Variants in BRI3BP observed in about 807,000 individuals in gnomAD.
BRI3BP encodes BRI3 binding protein, also known as BRI3-binding protein.
BRI3BP carries 7 observed loss-of-function variants against 15.8 expected under a neutral mutation model. The observed-to-expected ratio is 0.44, with a 90% confidence interval of 0.25 to 0.83. The LOEUF (loss-of-function observed/expected upper bound fraction) is 0.83. BRI3BP is among the 40% of genes least tolerant of loss of function. The pLI is 0.20. For missense variants in BRI3BP, 320 were observed against 339.3 expected, an observed-to-expected ratio of 0.94 and a Z score of 0.45; for synonymous variants, 192 against 163.5, an observed-to-expected ratio of 1.17 and a Z score of -1.33.
At chr12:124,999,227 G>T (rs1432146273) in intron 1 of BRI3BP, among the ~76,000 whole-genome samples, 1 of 151,988 alleles carries the variant, frequency 6.6e-6, no homozygotes, top group Non-Finnish European at 1.5e-5. Context: ...TTGCTCCTTG[G>T]TCGTAGTTGC....
intron 2 of BRI3BP, among the ~76,000 whole-genome samples, chr12:125,020,503 G>A (rs1252930113): frequency 6.6e-6 from 1 of 152,226 alleles, no homozygotes; most frequent in Non-Finnish European, 1.5e-5. Flanking sequence ...TTTCAACATA[G>A]GAATTTTGTG....
At chr12:125,002,557 C>T (rs11057975) in intron 1 of BRI3BP, among the ~76,000 whole-genome samples, 9,234 of 151,470 alleles carry the variant, frequency 0.061, 418 homozygotes, top group Admixed American at 0.14. Flanking sequence ...CCGGGGTTCA[C>T]GCCATTCTCC....
chr12:125,001,919 A>G (rs917739263), intron 1 of BRI3BP, among the ~76,000 whole-genome samples: 12 of 152,132 alleles, frequency 7.9e-5, no homozygotes, highest in Admixed American at 2.6e-4. Flanking sequence ...TCCCAGCCTT[A>G]AGCAACTGCC....
At chr12:125,039,666 A>G in the BRI3BP span, among the ~76,000 whole-genome samples, 8 of 151,704 alleles carry the variant, frequency 5.3e-5, no homozygotes, top group Admixed American at 2.0e-4. Context: ...TTTTTTTTTA[A>G]GTATAGAAAA....
At chr12:125,004,563 A>C (rs573594806) in intron 1 of BRI3BP, among the ~76,000 whole-genome samples, 1 of 152,238 alleles carries the variant, frequency 6.6e-6, no homozygotes, top group Non-Finnish European at 1.5e-5. Flanking sequence ...AAAATTGTGA[A>C]GATAATACAG....
chr12:125,040,638 C>G, the BRI3BP span, among the ~76,000 whole-genome samples: 1 of 151,284 alleles, frequency 6.6e-6, no homozygotes, highest in Non-Finnish European at 1.5e-5. Context: ...CCACTGCGCC[C>G]CACCTCAAAG....
intron 1 of BRI3BP, among the ~76,000 whole-genome samples, chr12:125,011,727 A>T (rs904661091): frequency 2.0e-4 from 30 of 151,404 alleles, no homozygotes; most frequent in Non-Finnish European, 1.5e-4. Context: ...TAATTTTTTA[A>T]AAAAAAAAGT....
At chr12:125,020,879 C>CAAATAAATAAAT (rs139903644) in intron 2 of BRI3BP, among the ~76,000 whole-genome samples, 1 of 151,132 alleles carries the variant, frequency 6.6e-6, no homozygotes, top group African/African-American at 2.4e-5. Context: ...GACTCTGTCT[C>CAAATAAATAAAT]AAATAAATAA....
At chr12:125,016,043 G>T (rs1429058508) in intron 2 of BRI3BP, among the ~76,000 whole-genome samples, 1 of 152,162 alleles carries the variant, frequency 6.6e-6, no homozygotes, top group Non-Finnish European at 1.5e-5. Flanking sequence ...CTACAGAGTA[G>T]GAACAGCCTC....
intron 1 of BRI3BP, among the ~76,000 whole-genome samples, chr12:125,007,622 G>A (rs1443173455): frequency 6.6e-6 from 1 of 151,942 alleles, no homozygotes; most frequent in East Asian, 1.9e-4. Flanking sequence ...GGGAGGCTGA[G>A]GTGGGAGGAT....
chr12:125,035,470 T>C (rs1955435792), downstream of BRI3BP, among the ~76,000 whole-genome samples: 2 of 151,994 alleles, frequency 1.3e-5, no homozygotes, highest in Non-Finnish European at 2.9e-5. Context: ...CACAGCTCAC[T>C]TTAGCCTTGA....
intron 1 of BRI3BP, among the ~76,000 whole-genome samples, chr12:125,005,876 C>T (rs1955139009): frequency 6.6e-6 from 1 of 152,076 alleles, no homozygotes; most frequent in Non-Finnish European, 1.5e-5. Context: ...GCTGTAAGCT[C>T]CTGTGTTTGT....
the BRI3BP span, among the ~76,000 whole-genome samples, chr12:125,039,649 A>G: frequency 4.0e-4 from 43 of 108,310 alleles, no homozygotes; most frequent in Non-Finnish European, 6.3e-4. Flanking sequence ...TGTTATTCCA[A>G]TAGGGTTTTT....
At chr12:125,034,575 A>G (rs1231223948), downstream of BRI3BP, among the ~76,000 whole-genome samples, 2 of 151,452 alleles carry the variant, frequency 1.3e-5, no homozygotes, top group African/African-American at 2.4e-5. Context: ...CTCTGTCACT[A>G]GACATTAGTT....
intron 2 of BRI3BP, among the ~76,000 whole-genome samples, chr12:125,019,635 CTTTTTTTTTT>C (rs1205730966): frequency 6.0e-5 from 2 of 33,058 alleles, no homozygotes; most frequent in African/African-American, 1.7e-4. Context: ...TAATTCCACC[CTTTTTTTTTT>C]TTTTTTTTTT....
At position 125,030,543 on chromosome 12, in the gene BRI3BP, C is replaced by T. The variant is rs1223952666; in HGVS notation, c.*5113C>T. The T allele has an allele frequency of 6.6e-6, 1 of 152,146 alleles. No individual in the cohort carries two copies. The highest frequency in any genetic ancestry group is 1.5e-5 in the Non-Finnish European group (1 of 68,030). 9.4% of individuals were successfully genotyped at this position (152,146 alleles called of 1,614,324 possible). On this transcript the variant is annotated 3_prime_UTR_variant, in exon 3 of 3. Coordinates refer to ENST00000341446, the MANE Select transcript of BRI3BP (RefSeq NM_080626.6). ...TTTTCCTTGATATGTAGGAGGTGCA[C>T]CAGTACCAGTTTTTCTCTTGTGGTG... is the stretch of plus-strand genomic sequence containing the variant.
In BRI3BP at chr12:125,025,533, C is replaced by A. The variant is rs1955346249; in HGVS notation, c.*103C>A. The A allele has an allele frequency of 8.2e-7, 1 of 1,226,178 alleles. No homozygotes were observed. Among genetic ancestry groups the A allele is most frequent in the Non-Finnish European group, 1.1e-6 (1 of 908,358 alleles). 76.0% of individuals were successfully genotyped at this position (1,226,178 alleles called of 1,614,324 possible). A position where few individuals can be genotyped will look rare whatever the true frequency, so the allele number is the denominator to read the frequency against. On this transcript the variant is annotated 3_prime_UTR_variant, in exon 3 of 3. Transcript: ENST00000341446. ...CCCCAAACAATCTTAATAAACACGA[C>A]TGAGCAAGAAAGTGGCGCTGTGTAG...
Position 124,993,913 on chromosome 12 carries a change from G to C in BRI3BP, c.123G>C (p.Ala41=). 7.7e-7 allele frequency: 1 copy of C among 1,302,642 alleles called. No individual in the cohort carries two copies. The allele number at this position is 1,302,642 out of a possible 1,614,324, so 80.7% of individuals were successfully genotyped here. A position where few individuals can be genotyped will look rare whatever the true frequency, so the allele number is the denominator to read the frequency against. The part of the protein sequence containing the change: ...GAQGARGRGG[A]EKNSYRRTVN... Reference sequence around the variant, plus strand: ...AGGGGGCGCGGGGCCGCGGCGGCGCGGAGAAGAACAGCTACCGCCGCACGG... The same window carrying C: ...AGGGGGCGCGGGGCCGCGGCGGCGCCGAGAAGAACAGCTACCGCCGCACGG... Residue 41 remains alanine (A), a synonymous_variant, in exon 1 of 3, where the codon GCG becomes GCC. Coordinates refer to ENST00000341446, the MANE Select transcript of BRI3BP (RefSeq NM_080626.6).
downstream of BRI3BP, among the ~76,000 whole-genome samples, chr12:125,036,142 G>C: frequency 6.6e-6 from 1 of 152,156 alleles, no homozygotes; most frequent in Non-Finnish European, 1.5e-5. Context: ...TCTGCTCACT[G>C]CAACCTCCGC....
Sources: gnomAD v4.1 joint callset for allele counts (sites outside exome capture counted in the v4.1 genomes callset) on GRCh38, gnomAD v4.1.1 for gene constraint, MANE v1.5 for transcripts, NCBI Gene and HGNC (gene_info 2026-07-23, HGNC 2026-07-21) for gene names.